TUBA3E: variants seen among roughly 807,000 people sequenced by gnomAD.
The protein encoded by TUBA3E is tubulin alpha-3E chain.
Under a neutral mutation model 36.7 loss-of-function variants are expected in TUBA3E, and 21 were observed. The ratio of observed to expected loss-of-function variants is 0.57; its 90% CI spans 0.41 to 0.83. The LOEUF (loss-of-function observed/expected upper bound fraction) is 0.83. Ranked by LOEUF, TUBA3E falls within the 40% of genes least tolerant of loss-of-function variation. TUBA3E has a pLI of 0.00. For synonymous variants in TUBA3E, 177 were observed against 241.9 expected, an observed-to-expected ratio of 0.73 and a Z score of 2.49; for missense variants, 469 against 604.2, an observed-to-expected ratio of 0.78 and a Z score of 2.35.
chr2:130,196,354 G>A lies in TUBA3E; in HGVS notation c.21C>T (p.Ile7=). The A allele has an allele frequency of 5.0e-6, 8 of 1,613,698 alleles. No homozygotes were observed. Among genetic ancestry groups the A allele is most frequent in the Non-Finnish European group, 6.8e-6 (8 of 1,179,760 alleles). ...TCTGGACACCCGCCTGCCCCACGTG[G>A]ATAGAGATACACTCGCGCTGTGAAC... The part of the protein sequence containing the change: MRECIS[I]HVGQAGVQIG... The change falls in exon 2 of 5, where the codon ATC becomes ATT. Residue 7 remains isoleucine (I), a synonymous_variant. Coordinates refer to ENST00000312988, the MANE Select transcript of TUBA3E (RefSeq NM_207312.3).
Position 130,191,841 on chromosome 2 carries a change from T to C in TUBA3E, c.1343A>G (p.Glu448Gly). 6.2e-7 allele frequency: 1 copy of C among 1,601,130 alleles called. No individual in the cohort carries two copies. Among genetic ancestry groups the C allele is most frequent in the Non-Finnish European group, 8.5e-7 (1 of 1,174,216 alleles). The change falls in exon 5 of 5, where the codon GAA becomes GGA. Residue 448 changes from glutamate to glycine, a missense_variant. This residue lies in a region of TUBA3E where 296 missense variants were observed against 346.9 expected (regional missense o/e 0.85). Transcript: ENST00000312988. ...CACCACACCCTCCCCTCAGTATGCT[T>C]CGCCTTCTTCAGCCTCAGCTTCCAC... ...DSVEAEAEEGEAY is the reference protein window; with the variant it reads ...DSVEAEAEEGGAY
Position 130,194,084 on chromosome 2 carries a change from G to T in TUBA3E, c.758C>A (p.Thr253Lys). The stretch of plus-strand genomic sequence containing the variant: ...CGGCACGAGGTTGGTCTGGAATTCC[G>T]TCAAGTCCACATTCAGGGCCCCATC... The part of the protein sequence containing the change: ...RFDGALNVDL[T>K]EFQTNLVPYP... The change falls in exon 4 of 5, where the codon ACG becomes AAG. Residue 253 changes from threonine (T) to lysine (K), a missense_variant. Physicochemically the swap from Thr to Lys is moderately conservative, Grantham distance 78. Transcript: ENST00000312988. The T allele has an allele frequency of 6.2e-7, 1 of 1,614,190 alleles. No individual in the cohort carries two copies. Among genetic ancestry groups the T allele is most frequent in the Non-Finnish European group, 8.5e-7 (1 of 1,180,026 alleles).
At chr2:130,194,700 C>A (rs571836018) in intron 3 of TUBA3E, among the ~76,000 whole-genome samples, 2 of 152,082 alleles carry the variant, frequency 1.3e-5, no homozygotes, top group Non-Finnish European at 2.9e-5. Flanking sequence ...TTGTTTGAGA[C>A]GGAATCTTGC....
chr2:130,192,234 C>T, intron 4 of TUBA3E, 107 bp from the exon 5 acceptor site: 1 of 1,427,756 alleles, frequency 7.0e-7, no homozygotes, highest in Non-Finnish European at 9.4e-7. Context: ...ACGGAGAATG[C>T]TCAGTTCACC....
Position 130,196,086 on chromosome 2 carries a change from G to C in TUBA3E, c.226+63C>G. On this transcript the variant is annotated intron_variant, in intron 2 of 4. Coordinates refer to ENST00000312988, the MANE Select transcript of TUBA3E (RefSeq NM_207312.3). Reference sequence around the variant, plus strand: ...CAGGAGGATTCAAAGGAGCCCACACGGGGCTTTACCAATGCTCTCCCACCC... The same window carrying C: ...CAGGAGGATTCAAAGGAGCCCACACCGGGCTTTACCAATGCTCTCCCACCC... The C allele has an allele frequency of 2.1e-6, 3 of 1,438,614 alleles. No homozygotes were observed. The South Asian group carries it at 4.0e-5, about 19-fold the overall frequency. The allele number at this position is 1,438,614 out of a possible 1,614,324, so 89.1% of individuals were successfully genotyped here.
chr2:130,195,211 C>G lies in TUBA3E; in HGVS notation c.243G>C (p.Gly81=). Residue 81 remains glycine (G), a synonymous_variant, in exon 3 of 5, where the codon GGG becomes GGC. Transcript: ENST00000312988. ...CTGGGTGGAAGAGCTGCCTGTAGGTCCCTGTGCGCACTTCATCTGCAAAAG... is the reference window on the plus strand; with the variant it reads ...CTGGGTGGAAGAGCTGCCTGTAGGTGCCTGTGCGCACTTCATCTGCAAAAG... ...EPTVVDEVRT[G]TYRQLFHPEQ... 6.2e-7 allele frequency: 1 copy of G among 1,613,866 alleles called. No homozygotes were observed.
chr2:130,197,668 G>A (rs1690446134), intron 1 of TUBA3E, among the ~76,000 whole-genome samples: 1 of 125,898 alleles, frequency 7.9e-6, no homozygotes. Context: ...GTGCACTGGC[G>A]CCATCACGAC....
chr2:130,194,782 ATTC>A (rs2104751971), intron 3 of TUBA3E, among the ~76,000 whole-genome samples: 1 of 152,088 alleles, frequency 6.6e-6, no homozygotes, highest in East Asian at 1.9e-4. Context: ...AGTTCAAGCA[ATTC>A]TTCTGCCTCA....
At chr2:130,195,298 T>G (rs1296025049) in intron 2 of TUBA3E, 71 bp from the exon 3 acceptor site, 79 of 1,565,334 alleles carry the variant, frequency 5.0e-5, no homozygotes, top group Non-Finnish European at 6.8e-5. Context: ...ATTCCAGGAG[T>G]GTTCACTTCT....
intron 4 of TUBA3E, 51 bp from the exon 5 acceptor site, chr2:130,192,178 A>G (rs568301640): frequency 6.4e-7 from 1 of 1,552,240 alleles, no homozygotes; most frequent in African/African-American, 1.4e-5. Context: ...TCAAACCTAG[A>G]AATGGTAGCT....
intron 2 of TUBA3E, 90 bp from the exon 3 acceptor site, chr2:130,195,317 C>T: frequency 1.3e-6 from 2 of 1,525,108 alleles, no homozygotes; most frequent in Non-Finnish European, 1.8e-6. Flanking sequence ...CTACAGAGCA[C>T]ATGCTGTTCA....
chr2:130,192,834 G>T (rs865865034), intron 4 of TUBA3E, among the ~76,000 whole-genome samples: 14 of 152,216 alleles, frequency 9.2e-5, no homozygotes, highest in Non-Finnish European at 2.9e-5. Flanking sequence ...GGTGGCTCAA[G>T]CCTGTGACCC....
rs1304995707 is a variant in TUBA3E at position 130,198,103 on chromosome 2, C to A, written c.3+255G>T. On this transcript the variant is annotated intron_variant, in intron 1 of 4. Coordinates refer to ENST00000312988, the MANE Select transcript of TUBA3E (RefSeq NM_207312.3). ...TCAGGAGGCGACGCCACTATTTGCT[C>A]TCTGGGGGACGGGATACCGTCAATG... Among the ~76,000 whole-genome samples the A allele has an allele frequency of 2.4e-5, 3 of 122,958 alleles. 1 individual carries two copies. The highest frequency in any genetic ancestry group is 8.7e-5 in the African/African-American group (3 of 34,362). 80.7% of individuals were successfully genotyped at this position (122,958 alleles called of 152,430 possible). A position where few individuals can be genotyped will look rare whatever the true frequency, so the allele number is the denominator to read the frequency against.
intron 2 of TUBA3E, among the ~76,000 whole-genome samples, chr2:130,195,465 C>T (rs1690382353): frequency 6.6e-6 from 1 of 152,252 alleles, no homozygotes; most frequent in African/African-American, 2.4e-5. Flanking sequence ...TCAGCACGAC[C>T]AGTTCCCAGT....
intron 4 of TUBA3E, among the ~76,000 whole-genome samples, chr2:130,192,681 C>T (rs1387941044): frequency 1.3e-5 from 2 of 152,132 alleles, no homozygotes; most frequent in African/African-American, 4.8e-5. Context: ...GGGTGACATT[C>T]CAAGGTGGTA....
At position 130,198,405 on chromosome 2, in the gene TUBA3E, C is replaced by T; in HGVS notation, c.-45G>A. ...GCCCAACGCTACTTCCAGACCTCAA[C>T]CGGCTGCCACAGCTGCTGAGCGCCC... On this transcript the variant is annotated 5_prime_UTR_variant, in exon 1 of 5. Coordinates refer to ENST00000312988, the MANE Select transcript of TUBA3E (RefSeq NM_207312.3). 1 of 1,355,538 alleles carries T rather than the reference C, an allele frequency of 7.4e-7. No homozygotes were observed. Among genetic ancestry groups the T allele is most frequent in the Non-Finnish European group, 1.0e-6 (1 of 994,530 alleles). The allele number at this position is 1,355,538 out of a possible 1,614,324, so 84.0% of individuals were successfully genotyped here.
chr2:130,195,829 C>T (rs1690388858), intron 2 of TUBA3E, among the ~76,000 whole-genome samples: 2 of 152,342 alleles, frequency 1.3e-5, no homozygotes, highest in African/African-American at 2.4e-5. Context: ...GCACAGCATT[C>T]GGGAGGGAAC....
At chr2:130,195,555 A>G (rs996429754) in intron 2 of TUBA3E, among the ~76,000 whole-genome samples, 4 of 152,188 alleles carry the variant, frequency 2.6e-5, no homozygotes, top group Non-Finnish European at 2.9e-5. Flanking sequence ...CTGTAAGTTA[A>G]AAACTCTTAC....
At position 130,198,130 on chromosome 2, in the gene TUBA3E, TC is replaced by T. The variant is rs1408426780; in HGVS notation, c.3+227del. 1.3e-4 allele frequency among the ~76,000 whole-genome samples: 16 copies of T among 121,632 alleles called. 5 individuals are homozygous for T. Among genetic ancestry groups the T allele is most frequent in the African/African-American group, 2.9e-4 (10 of 33,922 alleles). 79.8% of individuals were successfully genotyped at this position (121,632 alleles called of 152,430 possible). ...CTGGGGGACGGGATACCGTCAATGG[TC>T]CCCGTCCACTAAAGGCCGGCAGCTT... On this transcript the variant is annotated intron_variant, in intron 1 of 4. Coordinates refer to ENST00000312988, the MANE Select transcript of TUBA3E (RefSeq NM_207312.3).
Sources: gnomAD v4.1 joint callset for allele counts (sites outside exome capture counted in the v4.1 genomes callset) on GRCh38, gnomAD v4.1.1 for gene constraint, gnomAD v4.1.1 regional missense constraint, MANE v1.5 for transcripts, NCBI Gene and HGNC (gene_info 2026-07-23, HGNC 2026-07-21) for gene names.